Variants in ALG5 observed in about 807,000 individuals in gnomAD.
The protein encoded by ALG5 is dolichyl-phosphate beta-glucosyltransferase.
In ALG5, 26 loss-of-function variants were observed where a neutral mutation model predicts 51.8. That is an observed-to-expected ratio of 0.50 (90% CI 0.37 to 0.70). The LOEUF (loss-of-function observed/expected upper bound fraction) is 0.70, where lower values mean the gene tolerates loss of function less well. ALG5 is among the 30% of genes least tolerant of loss of function. ALG5 has a pLI of 0.00. For missense variants in ALG5, 311 were observed against 399.3 expected (o/e 0.78, Z 1.88); for synonymous variants, 141 against 136.1 (o/e 1.04, Z -0.25).
At chr13:36,995,145 T>C in intron 2 of ALG5, 110 bp from the exon 3 acceptor site, 4 of 940,638 alleles carry the variant, frequency 4.3e-6, no homozygotes, top group Non-Finnish European at 6.6e-6. Context: ...GCCCCTCTGG[T>C]ACTTTCCCAA....
intron 6 of ALG5, among the ~76,000 whole-genome samples, chr13:36,980,423 C>T (rs1232145919): frequency 6.6e-6 from 1 of 151,842 alleles, no homozygotes; most frequent in African/African-American, 2.4e-5. Flanking sequence ...GACGGGATTT[C>T]GCTATGTTGG....
At chr13:36,995,166 C>T (rs1300215036) in intron 2 of ALG5, 131 bp from the exon 3 acceptor site, 2 of 835,648 alleles carry the variant, frequency 2.4e-6, no homozygotes, top group East Asian at 2.6e-5. Flanking sequence ...TGGTCATTCC[C>T]ATCTGAAATC....
At chr13:36,960,030 T>G (rs973085246) in intron 8 of ALG5, among the ~76,000 whole-genome samples, 3 of 151,830 alleles carry the variant, frequency 2.0e-5, no homozygotes, top group Non-Finnish European at 4.4e-5. Flanking sequence ...AAGTAACAGA[T>G]CCATAGTAAA....
At chr13:36,971,219 T>C (rs1373337488) in intron 7 of ALG5, among the ~76,000 whole-genome samples, 1 of 152,064 alleles carries the variant, frequency 6.6e-6, no homozygotes, top group Non-Finnish European at 1.5e-5. Flanking sequence ...CTTGTGAAAT[T>C]TTAAGGTATA....
chr13:36,993,261 G>C (rs1022814827), intron 4 of ALG5, among the ~76,000 whole-genome samples: 4 of 152,184 alleles, frequency 2.6e-5, no homozygotes, highest in African/African-American at 9.7e-5. Flanking sequence ...GCTTTCTATT[G>C]GCGTGACTGC....
chr13:36,984,229 G>C (rs553622966), intron 6 of ALG5, among the ~76,000 whole-genome samples: 63 of 151,802 alleles, frequency 4.2e-4, no homozygotes, highest in African/African-American at 1.5e-3. Flanking sequence ...CTCCTAAGTA[G>C]CTGGGACTAG....
At chr13:36,973,861 G>A (rs1354622567) in intron 6 of ALG5, among the ~76,000 whole-genome samples, 1 of 152,146 alleles carries the variant, frequency 6.6e-6, no homozygotes, top group Non-Finnish European at 1.5e-5. Context: ...CAAGAGTAAT[G>A]CGAATAAAAC....
Position 36,951,400 on chromosome 13 carries a change from C to T in ALG5, c.859+1114G>A, listed in dbSNP as rs540374805. Among the ~76,000 whole-genome samples, 4 of 152,280 alleles carry T rather than the reference C, an allele frequency of 2.6e-5. No individual in the cohort carries two copies. The South Asian group carries it at 8.3e-4, about 32-fold the overall frequency. ...AGATGTAAAGAGGTTTGAATTCATC[C>T]TAGACTATACAGTTTGTATAATCTC... On this transcript the variant is annotated intron_variant, in intron 9 of 9. Transcript: ENST00000239891.
intron 3 of ALG5, 146 bp from the exon 4 acceptor site, chr13:36,993,818 A>G (rs1381696772): frequency 1.5e-6 from 1 of 654,184 alleles, no homozygotes; most frequent in African/African-American, 1.8e-5. Context: ...ACCGCATAAA[A>G]TAAAAAGGCT....
intron 8 of ALG5, among the ~76,000 whole-genome samples, chr13:36,960,687 C>CTT (rs35334943): frequency 1.4e-5 from 2 of 142,616 alleles, no homozygotes; most frequent in Admixed American, 1.4e-4. Context: ...TAATAATTTG[C>CTT]TTTTTTTTTT....
intron 9 of ALG5, 115 bp downstream of exon 9, chr13:36,952,399 A>G (rs934687841): frequency 4.3e-6 from 3 of 702,416 alleles, no homozygotes; most frequent in Admixed American, 3.4e-5. Flanking sequence ...CTTTGAGTCA[A>G]GACAGCTGAG....
At chr13:36,993,511 A>C in intron 4 of ALG5, 93 bp downstream of exon 4, 6 of 1,016,032 alleles carry the variant, frequency 5.9e-6, no homozygotes, top group South Asian at 1.3e-5. Context: ...GCACAGCTTT[A>C]GGGTCCCCTG....
chr13:36,956,559 CAAGTTATCCAA>C (rs1263055579), intron 8 of ALG5, among the ~76,000 whole-genome samples: 1 of 152,094 alleles, frequency 6.6e-6, no homozygotes, highest in Non-Finnish European at 1.5e-5. Context: ...TCACAACAGC[CAAGTTATCCAA>C]TCAACCTAAG....
At position 36,965,604 on chromosome 13, in the gene ALG5, C is replaced by A. The variant is rs746059068; in HGVS notation, c.744G>T (p.Arg248=). 2.1e-5 allele frequency: 34 copies of A among 1,613,830 alleles called. No homozygotes were observed. Among genetic ancestry groups the A allele is most frequent in the Admixed American group, 6.7e-5 (4 of 59,976 alleles). The change falls in exon 8 of 10, where the codon CGG becomes CGT. Residue 248 remains arginine (R), a synonymous_variant. Coordinates refer to ENST00000239891, the MANE Select transcript of ALG5 (RefSeq NM_013338.5). ...GTTCAACGTGTAGAGATGAAAACGT[C>A]CGTGAAGCTGCTTCTCGAGTAAATA... The part of the protein sequence containing the change: ...FKLFTREAAS[R]TFSSLHVERW...
At chr13:36,998,998 G>A (rs982456968) in intron 1 of ALG5, 2 of 397,632 alleles carry the variant, frequency 5.0e-6, no homozygotes, top group African/African-American at 4.2e-5. Flanking sequence ...GCTCCAGTGT[G>A]AAAAAACTTA....
rs766053670 is a variant in ALG5 at position 36,965,578 on chromosome 13, C to T, written c.770G>A (p.Arg257Gln). The T allele has an allele frequency of 3.0e-5, 48 of 1,612,952 alleles. No individual in the cohort carries two copies. The Admixed American group carries it at 6.5e-4, about 22-fold the overall frequency. ...SRTFSSLHVE[R>Q]WAFDVELLYI... ...TACATTCCAGTCAGAAACCTACCAT[C>T]GTTCAACGTGTAGAGATGAAAACGT... Residue 257 changes from arginine (R) to glutamine (Q), a missense_variant, in exon 8 of 10, where the codon CGA becomes CAA. Arg to Gln is a conservative substitution (Grantham distance 43). Transcript: ENST00000239891.
rs1225741540 is a variant in ALG5 at position 36,995,027 on chromosome 13, T to C, written c.247A>G (p.Met83Val). 8 of 1,613,260 alleles carry C rather than the reference T, an allele frequency of 5.0e-6. No individual in the cohort carries two copies. Among genetic ancestry groups the C allele is most frequent in the Non-Finnish European group, 6.8e-6 (8 of 1,179,472 alleles). ...AGATAGCTCAGAGCTTCATCCATCA[T>C]CACAGGCACTTGAAGAAAAAAATAT... ...SYNEEKRLPV[M>V]MDEALSYLEK... is the part of the protein sequence containing the mutation. Residue 83 changes from methionine to valine, a missense_variant, in exon 3 of 10, where the codon ATG becomes GTG. By Grantham distance (21) the Met-to-Val change is conservative. Transcript: ENST00000239891.
chr13:36,981,147 TA>T (rs1231405932), intron 6 of ALG5, among the ~76,000 whole-genome samples: 1 of 152,048 alleles, frequency 6.6e-6, no homozygotes, highest in East Asian at 1.9e-4. Flanking sequence ...TGACTTTGTA[TA>T]AGAATCATCA....
intron 8 of ALG5, among the ~76,000 whole-genome samples, chr13:36,958,023 C>A (rs183135531): frequency 5.3e-5 from 8 of 152,106 alleles, no homozygotes; most frequent in Non-Finnish European, 2.9e-5. Flanking sequence ...CAAAGGAAAC[C>A]GAAAATCCAG....
Sources: allele counts gnomAD v4.1 joint callset (sites outside exome capture counted in the v4.1 genomes callset), GRCh38; gene constraint gnomAD v4.1.1; transcripts MANE v1.5; gene names NCBI Gene and HGNC (gene_info 2026-07-23, HGNC 2026-07-21).